Variants in FADS2 observed in about 807,000 individuals in gnomAD.
FADS2 encodes the protein fatty acid desaturase 2.
In FADS2, 18 loss-of-function variants were observed where a neutral mutation model predicts 61.2. That is an observed-to-expected ratio of 0.29 (90% CI 0.20 to 0.44). The LOEUF (loss-of-function observed/expected upper bound fraction) is 0.44. FADS2 is among the 20% of genes least tolerant of loss of function. The pLI, the probability that FADS2 is intolerant of heterozygous loss-of-function variation, is 1.00. For missense variants in FADS2, 322 were observed against 572.7 expected (o/e 0.56, Z 4.47); for synonymous variants, 203 against 223.9 (o/e 0.91, Z 0.83).
intron 1 of FADS2, among the ~76,000 whole-genome samples, chr11:61,833,978 C>T (rs959985797): frequency 2.6e-5 from 4 of 152,140 alleles, no homozygotes; most frequent in African/African-American, 9.7e-5. Context: ...TATGCTCCAG[C>T]GGGGGACGCA....
chr11:61,826,017 A>G, upstream of FADS2: 1 of 700,806 alleles, frequency 1.4e-6, no homozygotes, highest in Middle Eastern at 2.3e-4. Context: ...CTTTGAACTC[A>G]TCACTGTTCC....
rs2067455504 is a variant in FADS2 at position 61,865,090 on chromosome 11, G to A, written c.1158-62G>A. Reference sequence around the variant, plus strand: ...GCCAGCCTCTGCCCAGGTGGTGGGAGGAAGCGGGAGCAGCATGGCCCTCTG... The same window carrying A: ...GCCAGCCTCTGCCCAGGTGGTGGGAAGAAGCGGGAGCAGCATGGCCCTCTG... On this transcript the variant is annotated intron_variant, in intron 10 of 11. Transcript: ENST00000278840. This position sits in a 1 kb window ranked among gnomAD's most constrained non-coding sequence, Gnocchi z 4.1. The A allele has an allele frequency of 1.9e-6, 3 of 1,563,502 alleles. No homozygotes were observed. Among genetic ancestry groups the A allele is most frequent in the Non-Finnish European group, 2.6e-6 (3 of 1,150,144 alleles).
chr11:61,837,520 A>G (rs183546273), intron 1 of FADS2, among the ~76,000 whole-genome samples: 1 of 152,192 alleles, frequency 6.6e-6, no homozygotes, highest in African/African-American at 2.4e-5. Context: ...CAGCCTATGC[A>G]TCTATTCACA....
chr11:61,857,584 G>A (rs188480902), intron 7 of FADS2, 54 bp downstream of exon 7: 5 of 1,500,548 alleles, frequency 3.3e-6, no homozygotes, highest in Non-Finnish European at 4.6e-6. Context: ...CTGGGACAGG[G>A]GGACCCGGGG....
Position 61,848,156 on chromosome 11 carries a change from C to T in FADS2, c.619-3C>T, listed in dbSNP as rs2067276348. 1 of 1,614,134 alleles carries T rather than the reference C, an allele frequency of 6.2e-7. No homozygotes were observed. Among genetic ancestry groups the T allele is most frequent in the Non-Finnish European group, 8.5e-7 (1 of 1,179,984 alleles). ...GCTCATCCCCACCCCTCTCTCCCCACAGGGTGCCTCTGCCAACTGGTGGAA... is the reference window on the plus strand; with the variant it reads ...GCTCATCCCCACCCCTCTCTCCCCATAGGGTGCCTCTGCCAACTGGTGGAA... On this transcript the variant is annotated splice_polypyrimidine_tract_variant and splice_region_variant and intron_variant, in intron 4 of 11. Coordinates refer to ENST00000278840, the MANE Select transcript of FADS2 (RefSeq NM_004265.4).
chr11:61,852,789 A>T (rs1402072349), intron 5 of FADS2, among the ~76,000 whole-genome samples: 1 of 152,086 alleles, frequency 6.6e-6, no homozygotes, highest in African/African-American at 2.4e-5. Flanking sequence ...GTCTCTTCGT[A>T]ATTCTAGTTG....
upstream of FADS2, chr11:61,828,021 G>A: frequency 8.9e-7 from 1 of 1,124,324 alleles, no homozygotes; most frequent in Non-Finnish European, 1.1e-6. This position sits in a 1 kb window ranked among gnomAD's most constrained non-coding sequence, Gnocchi z 6.4. Context: ...GGCGGGGAAC[G>A]CGGGAGGATG....
intron 7 of FADS2, chr11:61,862,648 T>A: frequency 3.0e-6 from 1 of 338,662 alleles, no homozygotes; most frequent in Non-Finnish European, 5.5e-6. Context: ...GGGGCGCACC[T>A]TCAGAATCGC....
In FADS2 at chr11:61,840,438, C is replaced by T. The variant is rs757898356; in HGVS notation, c.423C>T (p.Ile141=). ...TCCTCCTCCTCCTGGCCCACATCAT[C>T]GCCCTGGAGAGCATTGCATGGTTCA... is the stretch of plus-strand genomic sequence containing the variant. ...VFFLLLLAHI[I]ALESIAWFTV... is the part of the protein sequence containing the mutation. The change falls in exon 3 of 12, where the codon ATC becomes ATT. Residue 141 remains isoleucine, a synonymous_variant. Coordinates refer to ENST00000278840, the MANE Select transcript of FADS2 (RefSeq NM_004265.4). 15 of 1,614,038 alleles carry T rather than the reference C, an allele frequency of 9.3e-6. No homozygotes were observed. Among genetic ancestry groups the T allele is most frequent in the Non-Finnish European group, 1.2e-5 (14 of 1,180,008 alleles).
intron 1 of FADS2, among the ~76,000 whole-genome samples, chr11:61,830,996 T>A (rs2067123918): frequency 6.6e-6 from 1 of 152,230 alleles, no homozygotes; most frequent in African/African-American, 2.4e-5. Flanking sequence ...GAGCTTCCTG[T>A]CTTCTAAAAT....
intron 5 of FADS2, among the ~76,000 whole-genome samples, chr11:61,851,459 T>A (rs939705261): frequency 6.6e-6 from 1 of 152,176 alleles, no homozygotes; most frequent in African/African-American, 2.4e-5. Context: ...AGTGCCGCGG[T>A]GTTCTGTGGA....
rs759379049 is a variant in FADS2, at chr11:61,816,330, G to C, written c.45G>C (p.Leu15Phe). 2.5e-6 allele frequency: 4 copies of C among 1,598,280 alleles called. No individual in the cohort carries two copies. The highest frequency in any genetic ancestry group is 1.3e-5 in the African/African-American group (1 of 74,900). Residue 15 changes from leucine to phenylalanine, a missense_variant, in exon 1 of 12, where the codon TTG (leucine) becomes TTC (phenylalanine). Physicochemically the swap from Leu to Phe is conservative, Grantham distance 22. Transcript: ENST00000257261. The surrounding 1 kb of genome is among the most constrained non-coding windows in gnomAD (Gnocchi z 7.0). ...GACCCTTTGTTTGTGTGTGCGTGTT[G>C]TTGGCCTCCATCCCCACTCCCCAGA...
intron 5 of FADS2, chr11:61,854,647 C>T (rs2067339795): frequency 2.0e-5 from 3 of 152,282 alleles, no homozygotes; most frequent in African/African-American, 4.8e-5. Flanking sequence ...AACGGCAAAG[C>T]TCTGGCAAAG....
chr11:61,843,189 G>A (rs1386254344), intron 4 of FADS2, among the ~76,000 whole-genome samples: 1 of 152,226 alleles, frequency 6.6e-6, no homozygotes, highest in Non-Finnish European at 1.5e-5. Context: ...CAGCGCTTTG[G>A]GAGGTCAAGG....
chr11:61,841,094 C>A (rs2067213972), intron 4 of FADS2, among the ~76,000 whole-genome samples: 1 of 150,376 alleles, frequency 6.6e-6, no homozygotes, highest in South Asian at 2.1e-4. Flanking sequence ...GCTCTTGTCA[C>A]CCAAGCTGGA....
intron 4 of FADS2, among the ~76,000 whole-genome samples, chr11:61,845,087 C>T (rs1227610514): frequency 7.3e-6 from 1 of 137,344 alleles, no homozygotes; most frequent in African/African-American, 2.7e-5. Flanking sequence ...ATGGCGCCAC[C>T]CAGCACTGCT....
intron 1 of FADS2, among the ~76,000 whole-genome samples, chr11:61,837,422 G>A (rs1441215979): frequency 1.3e-5 from 2 of 152,306 alleles, no homozygotes; most frequent in East Asian, 3.9e-4. Flanking sequence ...CTCAGCTCAC[G>A]AGCAGTCGAG....
At chr11:61,850,999 C>T (rs1424981795) in intron 5 of FADS2, among the ~76,000 whole-genome samples, 4 of 152,180 alleles carry the variant, frequency 2.6e-5, no homozygotes, top group Non-Finnish European at 5.9e-5. Context: ...ATGGCCAATT[C>T]GCAGGAAATC....
chr11:61,864,218 T>C lies in FADS2; in HGVS notation c.1157+432T>C, dbSNP rs77466626. On this transcript the variant is annotated intron_variant, in intron 10 of 11. Transcript: ENST00000278840. Reference sequence around the variant, plus strand: ...TTTTTTTTTATTAAAAAATAAAAAATGTAGAGACAGAGTCTCACCCTGTTT... The same window carrying C: ...TTTTTTTTTATTAAAAAATAAAAAACGTAGAGACAGAGTCTCACCCTGTTT... 0.017 allele frequency: 2,705 copies of C among 155,692 alleles called. 515 individuals are homozygous for C. The East Asian group carries it at 0.39, about 23-fold the overall frequency. 9.6% of individuals were successfully genotyped at this position (155,692 alleles called of 1,614,324 possible). A position where few individuals can be genotyped will look rare whatever the true frequency, so the allele number is the denominator to read the frequency against.
Sources: allele counts gnomAD v4.1 joint callset (sites outside exome capture counted in the v4.1 genomes callset), GRCh38; gene constraint gnomAD v4.1.1; non-coding constraint Gnocchi (gnomAD v3.1); transcripts MANE v1.5; gene names NCBI Gene and HGNC (gene_info 2026-07-23, HGNC 2026-07-21).